RAPGEF1: variants seen among roughly 807,000 people sequenced by gnomAD.
RAPGEF1 encodes Rap guanine nucleotide exchange factor 1, also known as CRK SH3-binding GNRP.
Under a neutral mutation model 143.3 loss-of-function variants are expected in RAPGEF1, and 33 were observed. The observed-to-expected ratio is 0.23, with a 90% CI of 0.17 to 0.31. The LOEUF is 0.31. RAPGEF1 is among the 10% of genes least tolerant of loss of function. The pLI is 1.00. For missense variants in RAPGEF1, 1,199 were observed against 1,645.4 expected (o/e 0.73, Z 4.69); for synonymous variants, 629 against 676.5 (o/e 0.93, Z 1.09).
intron 3 of RAPGEF1, among the ~76,000 whole-genome samples, chr9:131,648,172 T>C (rs1970163089): frequency 6.6e-6 from 1 of 152,118 alleles, no homozygotes; most frequent in African/African-American, 2.4e-5. Context: ...GGCAGATCAC[T>C]TGAGGTCAGG....
At chr9:131,586,201 C>T (rs1016103137) in intron 22 of RAPGEF1, among the ~76,000 whole-genome samples, 9 of 145,972 alleles carry the variant, frequency 6.2e-5, no homozygotes, top group African/African-American at 2.4e-4. Context: ...GTCTCAAACA[C>T]ACACACACGC....
chr9:131,672,812 A>G (rs1831626076), intron 1 of RAPGEF1, among the ~76,000 whole-genome samples: 1 of 152,312 alleles, frequency 6.6e-6, no homozygotes, highest in East Asian at 1.9e-4. Flanking sequence ...CGTGTAGGGT[A>G]AGAGGGGGTG....
intron 1 of RAPGEF1, among the ~76,000 whole-genome samples, chr9:131,734,226 C>A (rs1026396889): frequency 3.3e-5 from 5 of 152,136 alleles, no homozygotes; most frequent in African/African-American, 4.8e-5. Flanking sequence ...GGGCCGGTTC[C>A]CCATTCCACT....
intron 1 of RAPGEF1, among the ~76,000 whole-genome samples, chr9:131,723,872 C>G (rs967830715): frequency 6.6e-6 from 1 of 152,216 alleles, no homozygotes; most frequent in African/African-American, 2.4e-5. Flanking sequence ...TCCACAGTGG[C>G]TGCACCATTT....
chr9:131,717,808 G>A (rs181641328), intron 1 of RAPGEF1, among the ~76,000 whole-genome samples: 88 of 149,900 alleles, frequency 5.9e-4, no homozygotes, highest in Non-Finnish European at 5.2e-4. Context: ...GAAAAAGAGC[G>A]GGGGATGAGG....
rs1836534793 is a variant in RAPGEF1, at chr9:131,724,820, G to A, written c.61+14950C>T. On this transcript the variant is annotated intron_variant, in intron 1 of 26. Coordinates refer to ENST00000683357, the MANE Select transcript of RAPGEF1 (RefSeq NM_001377935.1). Reference sequence around the variant, plus strand: ...TGTGATTCTGTTCTCCCTTGTTGCAGAAAGACGGCCTCATCCTCCCAAGAG... The same window carrying A: ...TGTGATTCTGTTCTCCCTTGTTGCAAAAAGACGGCCTCATCCTCCCAAGAG... Among the ~76,000 whole-genome samples the A allele has an allele frequency of 1.3e-5, 2 of 152,202 alleles. 1 individual carries two copies. The highest frequency in any genetic ancestry group is 4.8e-5 in the African/African-American group (2 of 41,438).
At chr9:131,648,494 T>C (rs545287949) in intron 3 of RAPGEF1, among the ~76,000 whole-genome samples, 1 of 152,362 alleles carries the variant, frequency 6.6e-6, no homozygotes, top group East Asian at 1.9e-4. Context: ...ACTAGCAGGA[T>C]AACGTTGTTA....
chr9:131,735,202 T>C (rs1027345811), intron 1 of RAPGEF1, among the ~76,000 whole-genome samples: 1 of 152,186 alleles, frequency 6.6e-6, no homozygotes, highest in East Asian at 1.9e-4. Context: ...GTGAAGCCAC[T>C]GAAGGAGGGA....
chr9:131,602,440 C>T (rs58156955), intron 14 of RAPGEF1, among the ~76,000 whole-genome samples: 3,030 of 152,282 alleles, frequency 0.02, 104 homozygotes, highest in African/African-American at 0.067. Context: ...CATAGCCACT[C>T]CCCCCGAGCA....
intron 1 of RAPGEF1, among the ~76,000 whole-genome samples, chr9:131,732,939 G>T (rs1361107802): frequency 6.6e-6 from 1 of 152,164 alleles, no homozygotes; most frequent in Non-Finnish European, 1.5e-5. Context: ...CTGGGGCTTT[G>T]ATTTTGAATG....
chr9:131,643,159 G>A lies in RAPGEF1; in HGVS notation c.494+80C>T, dbSNP rs1006787466. On this transcript the variant is annotated intron_variant, in intron 4 of 26. Coordinates refer to ENST00000683357, the MANE Select transcript of RAPGEF1 (RefSeq NM_001377935.1). ...TTTCCTGACTGTTCCTAGGAACCTT[G>A]AGTTTCCAGTGCCACCAAACCAAGA... 1.6e-5 allele frequency: 23 copies of A among 1,456,740 alleles called. No homozygotes were observed. The African/African-American group carries it at 3.1e-4, about 20-fold the overall frequency. 90.2% of individuals were successfully genotyped at this position (1,456,740 alleles called of 1,614,324 possible). A position where few individuals can be genotyped will look rare whatever the true frequency, so the allele number is the denominator to read the frequency against.
intron 15 of RAPGEF1, among the ~76,000 whole-genome samples, chr9:131,599,663 G>A (rs375911927): frequency 6.6e-6 from 1 of 152,150 alleles, no homozygotes; most frequent in Non-Finnish European, 1.5e-5. Flanking sequence ...GGGTGTCCAA[G>A]ATGAGTCTCC....
Position 131,626,100 on chromosome 9 carries a change from C to T in RAPGEF1, c.1524G>A (p.Glu508=). ...HPSQYDNISG[E]DLQSTAPIPS... The stretch of plus-strand genomic sequence containing the variant: ...GGATCGGGGCTGTGCTCTGCAGGTC[C>T]TCCCCAGAGATGTTGTCATACTGCG... Residue 508 remains glutamate, a synonymous_variant, in exon 10 of 27, where the codon GAG becomes GAA. Coordinates refer to ENST00000683357, the MANE Select transcript of RAPGEF1 (RefSeq NM_001377935.1). The T allele has an allele frequency of 6.2e-7, 1 of 1,613,956 alleles. No individual in the cohort carries two copies. The highest frequency in any genetic ancestry group is 8.5e-7 in the Non-Finnish European group (1 of 1,179,880).
At chr9:131,703,984 AC>A (rs1834860521) in intron 1 of RAPGEF1, among the ~76,000 whole-genome samples, 1 of 152,242 alleles carries the variant, frequency 6.6e-6, no homozygotes, top group South Asian at 2.1e-4. Context: ...GCAATGCATA[AC>A]AAGAATCACT....
chr9:131,721,256 G>A (rs1836245446), intron 1 of RAPGEF1, among the ~76,000 whole-genome samples: 2 of 152,168 alleles, frequency 1.3e-5, no homozygotes, highest in East Asian at 1.9e-4. Context: ...AGGACATTTC[G>A]AAGGGGGTAG....
intron 18 of RAPGEF1, among the ~76,000 whole-genome samples, chr9:131,591,305 G>T (rs1564467868): frequency 6.6e-6 from 1 of 152,198 alleles, no homozygotes; most frequent in Non-Finnish European, 1.5e-5. Flanking sequence ...CGGGGGCGCG[G>T]GTGGACTCAG....
intron 1 of RAPGEF1, among the ~76,000 whole-genome samples, chr9:131,666,741 A>G (rs1830498978): frequency 1.3e-5 from 2 of 152,254 alleles, no homozygotes; most frequent in South Asian, 4.1e-4. Flanking sequence ...AACATGTAAT[A>G]TAAAAACGAT....
chr9:131,599,199 A>G (rs1955844208), intron 15 of RAPGEF1, among the ~76,000 whole-genome samples: 1 of 150,628 alleles, frequency 6.6e-6, no homozygotes, highest in South Asian at 2.1e-4. Context: ...ATCTTGGCTC[A>G]CTGCAGCCCT....
intron 1 of RAPGEF1, among the ~76,000 whole-genome samples, chr9:131,700,839 C>T (rs1167674267): frequency 6.6e-6 from 1 of 152,170 alleles, no homozygotes; most frequent in African/African-American, 2.4e-5. Flanking sequence ...CAGGAGGCTG[C>T]TTGTTCGTAG....
Sources: allele counts gnomAD v4.1 joint callset (sites outside exome capture counted in the v4.1 genomes callset), GRCh38; gene constraint gnomAD v4.1.1; transcripts MANE v1.5; gene names NCBI Gene and HGNC (gene_info 2026-07-23, HGNC 2026-07-21).